ODAD2: variants seen among roughly 807,000 people sequenced by gnomAD.
ODAD2 encodes the protein outer dynein arm-docking complex subunit 2.
In ODAD2, 89 loss-of-function variants were observed where a neutral mutation model predicts 106.8. The observed-to-expected ratio is 0.83, with a 90% CI of 0.70 to 0.99. The LOEUF is 0.99. Among genes scored for constraint, ODAD2 ranks in the 50% least tolerant of loss-of-function variants. The pLI is 0.00. For synonymous variants in ODAD2, 404 were observed against 436.2 expected (o/e 0.93, Z 0.92); for missense variants, 1,168 against 1,238.5 (o/e 0.94, Z 0.85).
At chr10:27,970,658 T>A (rs1055168989) in intron 8 of ODAD2, among the ~76,000 whole-genome samples, 90 of 152,182 alleles carry the variant, frequency 5.9e-4, no homozygotes, top group African/African-American at 2.1e-3. Context: ...TATTCAATAT[T>A]TTTCTATTAT....
chr10:27,828,676 G>C (rs547358917), intron 19 of ODAD2, among the ~76,000 whole-genome samples: 2 of 152,116 alleles, frequency 1.3e-5, no homozygotes, highest in African/African-American at 4.8e-5. Flanking sequence ...CCATTTATTA[G>C]AAAACAATTA....
chr10:27,882,225 G>GAAAGAAAGAAATAAAT (rs1186295462), intron 17 of ODAD2, among the ~76,000 whole-genome samples: 12 of 150,838 alleles, frequency 8.0e-5, no homozygotes, highest in African/African-American at 2.2e-4. Context: ...AAGAAAGAAA[G>GAAAGAAAGAAATAAAT]AAAGAAAGAA....
At chr10:27,889,420 T>C (rs1353420832) in intron 17 of ODAD2, among the ~76,000 whole-genome samples, 1 of 152,156 alleles carries the variant, frequency 6.6e-6, no homozygotes, top group African/African-American at 2.4e-5. Flanking sequence ...TCAGAATAAT[T>C]CCTAAGCACA....
In ODAD2 at chr10:27,952,074, C is replaced by CAAA. The variant is rs71388944; in HGVS notation, c.1387-7115_1387-7113dup. 5.0e-3 allele frequency among the ~76,000 whole-genome samples: 220 copies of CAAA among 44,026 alleles called. 6 individuals are homozygous for CAAA. Among genetic ancestry groups the CAAA allele is most frequent in the African/African-American group, 0.016 (204 of 12,620 alleles). 28.9% of individuals were successfully genotyped at this position (44,026 alleles called of 152,430 possible). A position where few individuals can be genotyped will look rare whatever the true frequency, so the allele number is the denominator to read the frequency against. ...TGGGCAACAGACTGAGATGCCAACT[C>CAAA]AAAAAAAAAAAAAAAAAAGACACAC... On this transcript the variant is annotated intron_variant, in intron 10 of 19. Coordinates refer to ENST00000305242, the MANE Select transcript of ODAD2 (RefSeq NM_018076.5).
intron 19 of ODAD2, among the ~76,000 whole-genome samples, chr10:27,836,706 T>C (rs1332250434): frequency 6.6e-6 from 1 of 152,192 alleles, no homozygotes; most frequent in Non-Finnish European, 1.5e-5. Context: ...ATAATTTCTT[T>C]AGGATTTCAA....
intron 16 of ODAD2, among the ~76,000 whole-genome samples, chr10:27,914,294 A>C (rs1844213399): frequency 6.6e-6 from 1 of 152,150 alleles, no homozygotes; most frequent in Admixed American, 6.6e-5. Flanking sequence ...GGTGACCACC[A>C]GACCTTTCCA....
rs57244050 is a variant in ODAD2 at position 27,896,199 on chromosome 10, T to C, written c.2610+11464A>G. 7.0e-3 allele frequency among the ~76,000 whole-genome samples: 1,073 copies of C among 152,330 alleles called. 16 individuals are homozygous for C. The highest frequency in any genetic ancestry group is 0.025 in the African/African-American group (1,026 of 41,578). On this transcript the variant is annotated intron_variant, in intron 17 of 19. Coordinates refer to ENST00000305242, the MANE Select transcript of ODAD2 (RefSeq NM_018076.5). Reference sequence around the variant, plus strand: ...TCTGATATTATACACGTCAATGAAATTTTGTCCCTGCATATTTAGTTAATT... The same window carrying C: ...TCTGATATTATACACGTCAATGAAACTTTGTCCCTGCATATTTAGTTAATT...
At chr10:27,869,324 T>C (rs900835214) in intron 17 of ODAD2, among the ~76,000 whole-genome samples, 1 of 151,930 alleles carries the variant, frequency 6.6e-6, no homozygotes, top group Non-Finnish European at 1.5e-5. Context: ...AAAACAAATC[T>C]CTACAATAGG....
intron 19 of ODAD2, among the ~76,000 whole-genome samples, chr10:27,843,913 G>T (rs959792774): frequency 6.6e-6 from 1 of 152,048 alleles, no homozygotes; most frequent in Admixed American, 6.6e-5. Context: ...TAGCAACAAT[G>T]TTTAATTCTG....
In ODAD2 at chr10:27,812,251, C is replaced by G. The variant is rs939370353; in HGVS notation, c.*261G>C. ...TAAAAATACATCATATACGTATATT[C>G]TCATATTCTTAGAAACTTATCACAG... On this transcript the variant is annotated 3_prime_UTR_variant, in exon 20 of 20. Transcript: ENST00000305242. 5 of 448,700 alleles carry G rather than the reference C, an allele frequency of 1.1e-5. No individual in the cohort carries two copies. The highest frequency in any genetic ancestry group is 1.0e-4 in the African/African-American group (5 of 47,978). 27.8% of individuals were successfully genotyped at this position (448,700 alleles called of 1,614,324 possible).
At chr10:27,963,011 CTT>C (rs375508125) in intron 9 of ODAD2, among the ~76,000 whole-genome samples, 35 of 142,126 alleles carry the variant, frequency 2.5e-4, no homozygotes, top group East Asian at 2.0e-4. Flanking sequence ...GCCCTGTGTA[CTT>C]TTTTTTTTTT....
rs200299616 is a variant in ODAD2, at chr10:27,935,245, C to T, written c.2260G>A (p.Glu754Lys). The stretch of plus-strand genomic sequence containing the variant: ...ACCAAGGTTTCAATGGCTTTGTATT[C>T]CCGAAACCTAAGTTCATCATAAGAA... The part of the protein sequence containing the change: ...ISKENVTKFR[E>K]YKAIETLVGL... Residue 754 changes from glutamate (E) to lysine (K), a missense_variant, in exon 16 of 20, where the codon GAA becomes AAA. Glu to Lys is a moderately conservative substitution (Grantham distance 56, BLOSUM62 1). Transcript: ENST00000305242. The T allele has an allele frequency of 6.8e-6, 11 of 1,613,644 alleles. No homozygotes were observed. The highest frequency in any genetic ancestry group is 9.3e-6 in the Non-Finnish European group (11 of 1,179,702).
At chr10:27,821,677 T>G (rs552293638) in intron 19 of ODAD2, among the ~76,000 whole-genome samples, 1 of 152,322 alleles carries the variant, frequency 6.6e-6, no homozygotes, top group East Asian at 1.9e-4. Context: ...CTCTTTGTCA[T>G]AATTACATAA....
At chr10:27,983,007 G>A (rs1042220865) in intron 6 of ODAD2, among the ~76,000 whole-genome samples, 2 of 152,214 alleles carry the variant, frequency 1.3e-5, no homozygotes, top group African/African-American at 2.4e-5. Flanking sequence ...GCTAAAGGAA[G>A]ACTGAAAGGC....
At chr10:27,982,633 A>G (rs1189404964) in intron 6 of ODAD2, among the ~76,000 whole-genome samples, 6 of 152,224 alleles carry the variant, frequency 3.9e-5, no homozygotes, top group Non-Finnish European at 1.5e-5. Flanking sequence ...ATCAGAAAAG[A>G]GGCTCCAGCA....
At chr10:27,827,083 A>G (rs1321517809) in intron 19 of ODAD2, among the ~76,000 whole-genome samples, 1 of 152,150 alleles carries the variant, frequency 6.6e-6, no homozygotes, top group Non-Finnish European at 1.5e-5. Context: ...CCCATTGGTC[A>G]TGCTCTTGTG....
At chr10:27,932,747 C>T (rs1320790364) in intron 16 of ODAD2, among the ~76,000 whole-genome samples, 1 of 152,156 alleles carries the variant, frequency 6.6e-6, no homozygotes, top group African/African-American at 2.4e-5. Flanking sequence ...AACCAACTCC[C>T]ACCCAGTCAC....
At chr10:27,826,385 C>T (rs560261842) in intron 19 of ODAD2, among the ~76,000 whole-genome samples, 5 of 152,260 alleles carry the variant, frequency 3.3e-5, no homozygotes, top group South Asian at 2.1e-4. Context: ...CCGTGTTGCC[C>T]GGTCATCCAC....
At chr10:27,873,912 G>C (rs2133471030) in intron 17 of ODAD2, among the ~76,000 whole-genome samples, 1 of 152,274 alleles carries the variant, frequency 6.6e-6, no homozygotes, top group South Asian at 2.1e-4. Flanking sequence ...GGATATCCTT[G>C]TTAACTTTCT....
Sources: allele counts gnomAD v4.1 joint callset (sites outside exome capture counted in the v4.1 genomes callset), GRCh38; gene constraint gnomAD v4.1.1; transcripts MANE v1.5; gene names NCBI Gene and HGNC (gene_info 2026-07-23, HGNC 2026-07-21).